TMC1: variants seen among roughly 807,000 people sequenced by gnomAD.
The protein encoded by TMC1 is transmembrane channel-like protein 1.
In TMC1, 84 loss-of-function variants were observed where a neutral mutation model predicts 105.8. The ratio of observed to expected loss-of-function variants is 0.79; its 90% CI spans 0.67 to 0.95. TMC1 has a LOEUF of 0.95. Among genes scored for constraint, TMC1 ranks in the 40% least tolerant of loss-of-function variants. The pLI is 0.00. For missense variants in TMC1, 817 were observed against 914.1 expected (o/e 0.89, Z 1.37); for synonymous variants, 315 against 311.5 (o/e 1.01, Z -0.12).
chr9:72,664,129 A>G (rs2132163169), intron 5 of TMC1, among the ~76,000 whole-genome samples: 1 of 152,360 alleles, frequency 6.6e-6, no homozygotes, highest in Admixed American at 6.5e-5. Flanking sequence ...TAGAAGGAGT[A>G]CACTCTAAAA....
In TMC1 at chr9:72,820,872, A is replaced by G. The variant is rs756359010; in HGVS notation, c.1794A>G (p.Pro598=). 14 of 1,614,080 alleles carry G rather than the reference A, an allele frequency of 8.7e-6. No individual in the cohort carries two copies. In the South Asian group the frequency reaches 1.5e-4, roughly 18 times the overall value. Residue 598 remains proline (P), a synonymous_variant, in exon 20 of 24, where the codon CCA becomes CCG. Coordinates refer to ENST00000297784, the MANE Select transcript of TMC1 (RefSeq NM_138691.3). The part of the protein sequence containing the change: ...WMGSFFAPSL[P]GINILRLHTS... Reference sequence around the variant, plus strand: ...GCTCCTTCTTTGCTCCCAGCCTCCCAGGCATCAATATCCTTCGACTCCATA... The same window carrying G: ...GCTCCTTCTTTGCTCCCAGCCTCCCGGGCATCAATATCCTTCGACTCCATA...
intron 4 of TMC1, among the ~76,000 whole-genome samples, chr9:72,638,382 A>G (rs1825569090): frequency 6.6e-6 from 1 of 151,962 alleles, no homozygotes; most frequent in African/African-American, 2.4e-5. Flanking sequence ...TGCTCTTCCA[A>G]TTCATCGGCT....
intron 8 of TMC1, among the ~76,000 whole-genome samples, chr9:72,713,926 C>T (rs1826877716): frequency 6.6e-6 from 1 of 152,090 alleles, no homozygotes. Flanking sequence ...TTTCCCTCAA[C>T]ATACTGCTTT....
intron 1 of TMC1, among the ~76,000 whole-genome samples, chr9:72,544,482 T>C (rs1823731404): frequency 6.7e-6 from 1 of 148,892 alleles, no homozygotes; most frequent in Admixed American, 6.7e-5. Flanking sequence ...TTTTAACTTT[T>C]TTTTTTTTTT....
At chr9:72,630,277 A>G (rs1229937879) in intron 4 of TMC1, among the ~76,000 whole-genome samples, 1 of 152,238 alleles carries the variant, frequency 6.6e-6, no homozygotes, top group Admixed American at 6.5e-5. Flanking sequence ...GGTAATTAAA[A>G]TTTAAAAAAA....
intron 1 of TMC1, among the ~76,000 whole-genome samples, chr9:72,553,511 A>G (rs1327507303): frequency 1.3e-5 from 2 of 152,176 alleles, no homozygotes; most frequent in African/African-American, 4.8e-5. Flanking sequence ...TAGATTTTGG[A>G]AGAACCAAAA....
intron 8 of TMC1, among the ~76,000 whole-genome samples, chr9:72,736,171 A>G (rs1827294505): frequency 6.6e-6 from 1 of 152,234 alleles, no homozygotes; most frequent in African/African-American, 2.4e-5. Flanking sequence ...AAAGAGAAAT[A>G]TGAAACTATA....
intron 4 of TMC1, 46 bp downstream of exon 4, chr9:72,628,109 A>C (rs1249613240): frequency 4.4e-6 from 2 of 455,496 alleles, no homozygotes; most frequent in Non-Finnish European, 8.8e-6. Context: ...GGTGCCTAGC[A>C]TTGTACTGGC....
chr9:72,538,725 G>A (rs555481658), intron 1 of TMC1, among the ~76,000 whole-genome samples: 1 of 152,274 alleles, frequency 6.6e-6, no homozygotes, highest in Non-Finnish European at 1.5e-5. Flanking sequence ...TGGGATTACA[G>A]GCATGAGCCA....
chr9:72,825,562 A>G (rs543604590), intron 20 of TMC1, among the ~76,000 whole-genome samples: 1 of 152,298 alleles, frequency 6.6e-6, no homozygotes, highest in African/African-American at 2.4e-5. Context: ...CTTTGTGTGT[A>G]GGGATAATTT....
intron 4 of TMC1, among the ~76,000 whole-genome samples, chr9:72,642,406 G>T (rs1825643626): frequency 6.6e-6 from 1 of 152,160 alleles, no homozygotes; most frequent in South Asian, 2.1e-4. Context: ...AAAGGTGTTG[G>T]TTAACATGAG....
rs118139255 is a variant in TMC1 at position 72,597,324 on chromosome 9, G to A, written c.-305-19044G>A. On this transcript the variant is annotated intron_variant, in intron 2 of 23. Coordinates refer to ENST00000297784, the MANE Select transcript of TMC1 (RefSeq NM_138691.3). ...AGCAGGTCAGCGGGGCACAGGGACT[G>A]CGCTCCTCATGATAGTGCAGATTGG... Among the ~76,000 whole-genome samples, 153 of 152,326 alleles carry A rather than the reference G, an allele frequency of 1.0e-3. No homozygotes were observed. In the East Asian group the frequency reaches 0.015, roughly 15 times the overall value.
intron 3 of TMC1, among the ~76,000 whole-genome samples, chr9:72,624,026 C>A (rs1207375967): frequency 3.3e-5 from 5 of 152,240 alleles, no homozygotes; most frequent in African/African-American, 1.2e-4. Context: ...GGTAAGGACA[C>A]GTTGCTTTTC....
intron 5 of TMC1, among the ~76,000 whole-genome samples, chr9:72,680,888 CTT>C (rs1826275562): frequency 6.6e-6 from 1 of 152,166 alleles, no homozygotes; most frequent in Admixed American, 6.6e-5. Context: ...GAACAATCCT[CTT>C]CTTTCAGTTC....
intron 4 of TMC1, among the ~76,000 whole-genome samples, chr9:72,646,381 G>A (rs1825711014): frequency 6.6e-6 from 1 of 152,062 alleles, no homozygotes; most frequent in Non-Finnish European, 1.5e-5. Context: ...ACTCCTATTA[G>A]CCGTATATGA....
intron 1 of TMC1, among the ~76,000 whole-genome samples, chr9:72,537,284 T>C (rs75113474): frequency 0.042 from 6,359 of 152,250 alleles, 197 homozygotes; most frequent in Middle Eastern, 0.092. Flanking sequence ...GCCTTTTTTT[T>C]CCAAAGTCTT....
At chr9:72,528,190 C>T (rs1467743704) in intron 1 of TMC1, among the ~76,000 whole-genome samples, 1 of 152,190 alleles carries the variant, frequency 6.6e-6, no homozygotes, top group Non-Finnish European at 1.5e-5. Context: ...CTCCTTCCAC[C>T]ATGTGAGGAC....
intron 10 of TMC1, among the ~76,000 whole-genome samples, chr9:72,745,093 T>C (rs945764850): frequency 6.6e-6 from 1 of 152,256 alleles, no homozygotes; most frequent in African/African-American, 2.4e-5. Context: ...TCACTGTTAA[T>C]GGTGCTTTGT....
At chr9:72,797,666 T>C (rs986105374) in intron 17 of TMC1, among the ~76,000 whole-genome samples, 3 of 152,186 alleles carry the variant, frequency 2.0e-5, no homozygotes, top group Non-Finnish European at 4.4e-5. Context: ...GGTAGCCATA[T>C]GCAGAAAATT....
Sources: allele counts gnomAD v4.1 joint callset (sites outside exome capture counted in the v4.1 genomes callset), GRCh38; gene constraint gnomAD v4.1.1; transcripts MANE v1.5; gene names NCBI Gene and HGNC (gene_info 2026-07-23, HGNC 2026-07-21).